The following PHTF1 variants were observed in gnomAD, a reference collection of about 807,000 sequenced individuals.
PHTF1 encodes the protein protein PHTF1.
In PHTF1, 88 loss-of-function variants were observed where a neutral mutation model predicts 102.4. The ratio of observed to expected loss-of-function variants is 0.86; its 90% CI spans 0.72 to 1.03. The LOEUF (loss-of-function observed/expected upper bound fraction) is 1.03, where lower values mean the gene tolerates loss of function less well. Among genes scored for constraint, PHTF1 ranks in the 50% least tolerant of loss-of-function variants. The probability of loss-of-function intolerance (pLI) is 0.00; values close to 1 mark genes in which losing one functional copy is unlikely to be tolerated. For synonymous variants in PHTF1, 289 were observed against 305.2 expected, an observed-to-expected ratio of 0.95 and a Z score of 0.55; for missense variants, 814 against 909.5, an observed-to-expected ratio of 0.89 and a Z score of 1.35.
Position 113,713,285 on chromosome 1 carries a change from G to A in PHTF1, c.777C>T (p.Cys259=). 1 of 1,613,152 alleles carries A rather than the reference G, an allele frequency of 6.2e-7. No homozygotes were observed. The highest frequency in any genetic ancestry group is 8.5e-7 in the Non-Finnish European group (1 of 1,179,458). ...EKAKFSDGEK[C]RREAFRRLGN... ...AAATCCATCTAAATCTTACCCTACG[G>A]CACTTTTCTCCATCTGAAAATTTTG... The change falls in exon 8 of 19, where the codon TGC becomes TGT. Residue 259 remains cysteine, a synonymous_variant. Coordinates refer to ENST00000369604, the MANE Select transcript of PHTF1 (RefSeq NM_001323043.2).
chr1:113,740,705 T>C, intron 3 of PHTF1, among the ~76,000 whole-genome samples: 1 of 152,174 alleles, frequency 6.6e-6, no homozygotes, highest in East Asian at 1.9e-4. Context: ...ATTTAAATCA[T>C]TAATCCATTT....
At chr1:113,743,681 C>T (rs1283334774) in intron 3 of PHTF1, among the ~76,000 whole-genome samples, 1 of 152,150 alleles carries the variant, frequency 6.6e-6, no homozygotes. Context: ...CGTGCTATGA[C>T]TTTAGGATGG....
At chr1:113,756,057 ACT>A (rs1658822264) in intron 3 of PHTF1, among the ~76,000 whole-genome samples, 2 of 146,458 alleles carry the variant, frequency 1.4e-5, no homozygotes, top group African/African-American at 2.5e-5. Flanking sequence ...ACAGAGCGAG[ACT>A]CTGTCTCAAA....
At chr1:113,738,682 C>G in intron 4 of PHTF1, 48 bp downstream of exon 4, 2 of 1,075,172 alleles carry the variant, frequency 1.9e-6, no homozygotes, top group Non-Finnish European at 2.8e-6. Context: ...TTAAGCATCC[C>G]TGTGAAATAA....
chr1:113,725,053 G>C lies in PHTF1; in HGVS notation c.489-160C>G, dbSNP rs183294126. Among the ~76,000 whole-genome samples, 20 of 152,178 alleles carry C rather than the reference G, an allele frequency of 1.3e-4. No individual in the cohort carries two copies. The East Asian group carries it at 3.5e-3, about 26-fold the overall frequency. The stretch of plus-strand genomic sequence containing the variant: ...AAACTATGCAAGAACTTTCTGATTT[G>C]AGGGCAAAACCAGATTCCAAACCAA... On this transcript the variant is annotated intron_variant, in intron 6 of 18. Coordinates refer to ENST00000369604, the MANE Select transcript of PHTF1 (RefSeq NM_001323043.2).
rs1443234084 is a variant in PHTF1, at chr1:113,724,963, C to T, written c.489-70G>A. 1.6e-5 allele frequency: 18 copies of T among 1,110,522 alleles called. No individual in the cohort carries two copies. The Admixed American group carries it at 2.1e-4, about 13-fold the overall frequency. The allele number at this position is 1,110,522 out of a possible 1,614,324, so 68.8% of individuals were successfully genotyped here. Reference sequence around the variant, plus strand: ...TCTATTTCTGCCAAAAATATCCCTACAGAAAATTATACTGACAAATTACTA... The same window carrying T: ...TCTATTTCTGCCAAAAATATCCCTATAGAAAATTATACTGACAAATTACTA... On this transcript the variant is annotated intron_variant, in intron 6 of 18. Transcript: ENST00000369604.
At chr1:113,757,260 A>G (rs527764770) in intron 3 of PHTF1, among the ~76,000 whole-genome samples, 3 of 152,336 alleles carry the variant, frequency 2.0e-5, no homozygotes, top group Admixed American at 1.3e-4. Flanking sequence ...TCAGGCCACA[A>G]ATGGATTTTA....
chr1:113,720,148 A>AC (rs1652685307), intron 7 of PHTF1, among the ~76,000 whole-genome samples: 2 of 152,222 alleles, frequency 1.3e-5, no homozygotes, highest in Non-Finnish European at 2.9e-5. Flanking sequence ...AACCATATCA[A>AC]GTAGCTATAC....
chr1:113,724,456 G>A (rs1488085441), intron 7 of PHTF1, among the ~76,000 whole-genome samples: 2 of 150,436 alleles, frequency 1.3e-5, no homozygotes, highest in African/African-American at 4.9e-5. Flanking sequence ...CAGGAGAATC[G>A]CTTGAACTCA....
intron 3 of PHTF1, among the ~76,000 whole-genome samples, chr1:113,745,870 T>C (rs1395345483): frequency 1.3e-5 from 2 of 152,212 alleles, no homozygotes; most frequent in East Asian, 3.8e-4. Flanking sequence ...TATTTCATTA[T>C]ATATTATAAG....
intron 3 of PHTF1, among the ~76,000 whole-genome samples, chr1:113,741,333 G>T (rs2101622351): frequency 6.6e-6 from 1 of 152,124 alleles, no homozygotes; most frequent in Non-Finnish European, 1.5e-5. Context: ...TGAAAATGAG[G>T]CAACTCAAGG....
intron 13 of PHTF1, among the ~76,000 whole-genome samples, chr1:113,705,436 G>T (rs989689455): frequency 6.6e-6 from 1 of 151,898 alleles, no homozygotes; most frequent in African/African-American, 2.4e-5. Flanking sequence ...ACAACACCCG[G>T]TCTCAAAAAA....
intron 7 of PHTF1, among the ~76,000 whole-genome samples, chr1:113,717,617 G>A (rs1652265326): frequency 6.6e-6 from 1 of 152,168 alleles, no homozygotes; most frequent in Non-Finnish European, 1.5e-5. Flanking sequence ...AGATTGGGAA[G>A]ATAAAGAGAT....
chr1:113,707,315 T>C (rs962197201), intron 11 of PHTF1, among the ~76,000 whole-genome samples: 1 of 152,154 alleles, frequency 6.6e-6, no homozygotes, highest in Non-Finnish European at 1.5e-5. Context: ...AAAGCTCAAG[T>C]GGAGACAGTC....
intron 7 of PHTF1, among the ~76,000 whole-genome samples, chr1:113,720,127 G>A (rs1254275095): frequency 6.6e-6 from 1 of 151,896 alleles, no homozygotes; most frequent in Admixed American, 6.6e-5. Context: ...ATTTGGGTGG[G>A]GACACAGCCA....
chr1:113,715,585 T>C (rs1444348353), intron 7 of PHTF1, among the ~76,000 whole-genome samples: 4 of 132,444 alleles, frequency 3.0e-5, no homozygotes, highest in Non-Finnish European at 4.6e-5. Flanking sequence ...GAGGTGGAGT[T>C]TGCAGTGAGC....
At chr1:113,705,661 C>T (rs1650019369) in intron 13 of PHTF1, 2 of 452,200 alleles carry the variant, frequency 4.4e-6, no homozygotes, top group Admixed American at 8.4e-5. Flanking sequence ...CACTCACTGG[C>T]TAAGCCACTT....
Position 113,706,602 on chromosome 1 carries a change from T to A in PHTF1, c.1390A>T (p.Met464Leu). Residue 464 changes from methionine (M) to leucine (L), a missense_variant, in exon 12 of 19, where the codon ATG (methionine) becomes TTG (leucine). Physicochemically the swap from Met to Leu is conservative, Grantham distance 15 (BLOSUM62 2). Coordinates refer to ENST00000369604, the MANE Select transcript of PHTF1 (RefSeq NM_001323043.2). ...AACATATTCAGTCTTACCCTGCTCA[T>A]GATGATGCCACTTATTTCCAACACA... ...MSVLEISGII[M>L]SRVNAYQQGV... 6.2e-7 allele frequency: 1 copy of A among 1,607,964 alleles called. No homozygotes were observed. Among genetic ancestry groups the A allele is most frequent in the Non-Finnish European group, 8.5e-7 (1 of 1,178,362 alleles).
intron 5 of PHTF1, among the ~76,000 whole-genome samples, chr1:113,737,052 C>G (rs1314716848): frequency 6.6e-6 from 1 of 152,134 alleles, no homozygotes; most frequent in East Asian, 1.9e-4. Context: ...TTCCAGTGGT[C>G]TAAGCAAAGA....
Sources: allele counts gnomAD v4.1 joint callset (sites outside exome capture counted in the v4.1 genomes callset), GRCh38; gene constraint gnomAD v4.1.1; transcripts MANE v1.5; gene names NCBI Gene and HGNC (gene_info 2026-07-23, HGNC 2026-07-21).